Variants in TENM3 observed in about 807,000 individuals in gnomAD.
TENM3 encodes the protein teneurin-3.
A neutral mutation model predicts 255.1 loss-of-function variants in TENM3; 63 were observed. The ratio of observed to expected loss-of-function variants is 0.25; its 90% CI spans 0.20 to 0.30. TENM3 has a LOEUF of 0.30. Among genes scored for constraint, TENM3 ranks in the 10% least tolerant of loss-of-function variants. The pLI, the probability that TENM3 is intolerant of heterozygous loss-of-function variation, is 1.00. For missense variants in TENM3, 2,929 were observed against 3,461.1 expected (o/e 0.85, Z 3.86); for synonymous variants, 1,306 against 1,322.3 (o/e 0.99, Z 0.27).
chr4:181,471,693 G>A, the TENM3 span, among the ~76,000 whole-genome samples: 2 of 152,136 alleles, frequency 1.3e-5, no homozygotes, highest in Admixed American at 1.3e-4. Flanking sequence ...CGCTATATAA[G>A]GTTATAGGAG....
chr4:181,618,281 A>G, the TENM3 span, among the ~76,000 whole-genome samples: 1 of 152,154 alleles, frequency 6.6e-6, no homozygotes, highest in Non-Finnish European at 1.5e-5. Flanking sequence ...TGGCAGACTC[A>G]TCCAGCTAGC....
intron 1 of TENM3, among the ~76,000 whole-genome samples, chr4:182,259,759 G>A (rs944684063): frequency 9.6e-6 from 1 of 103,686 alleles, no homozygotes; most frequent in African/African-American, 3.9e-5. Context: ...TTTTCTTTAT[G>A]CTGGAAATAT....
At position 182,490,176 on chromosome 4, in the gene TENM3, G is replaced by A. The variant is rs534237484; in HGVS notation, c.512-110748G>A. Reference sequence around the variant, plus strand: ...TAGTATTATAAATTGTTAATAGCGAGGGCTGTATCTTTGTAATGATGATGT... The same window carrying A: ...TAGTATTATAAATTGTTAATAGCGAAGGCTGTATCTTTGTAATGATGATGT... On this transcript the variant is annotated intron_variant, in intron 3 of 27. Transcript: ENST00000511685. Among the ~76,000 whole-genome samples the A allele has an allele frequency of 1.5e-4, 23 of 152,304 alleles. No individual in the cohort carries two copies. In the South Asian group the frequency reaches 4.1e-3, roughly 27 times the overall value.
chr4:181,671,307 C>T, the TENM3 span, among the ~76,000 whole-genome samples: 2 of 152,062 alleles, frequency 1.3e-5, no homozygotes, highest in African/African-American at 4.8e-5. Flanking sequence ...AATATGAGAA[C>T]GCTGTTATAT....
At chr4:182,794,694 T>G (rs954815151) in intron 26 of TENM3, among the ~76,000 whole-genome samples, 2 of 152,262 alleles carry the variant, frequency 1.3e-5, no homozygotes, top group Non-Finnish European at 2.9e-5. Context: ...GTTTAGTGCA[T>G]GCTACCTTTT....
chr4:182,315,108 C>T (rs1762676761), intron 1 of TENM3, among the ~76,000 whole-genome samples: 1 of 152,172 alleles, frequency 6.6e-6, no homozygotes, highest in Non-Finnish European at 1.5e-5. Flanking sequence ...ATTTTACTTA[C>T]ACATGTTATA....
chr4:182,778,378 C>T (rs563951680), intron 24 of TENM3, among the ~76,000 whole-genome samples: 2 of 152,250 alleles, frequency 1.3e-5, no homozygotes, highest in African/African-American at 2.4e-5. Context: ...GTCACATTTG[C>T]GTAGTGGCCT....
intron 22 of TENM3, among the ~76,000 whole-genome samples, chr4:182,769,361 T>C (rs184177934): frequency 1.3e-5 from 2 of 151,988 alleles, no homozygotes; most frequent in East Asian, 3.9e-4. Context: ...CTTTCCTTCA[T>C]CTCGTTTTCA....
the TENM3 span, among the ~76,000 whole-genome samples, chr4:181,594,317 TAA>T: frequency 6.6e-6 from 1 of 152,240 alleles, no homozygotes; most frequent in Non-Finnish European, 1.5e-5. Flanking sequence ...AATTTTTATT[TAA>T]GAGTTAAATA....
chr4:181,878,086 G>T, the TENM3 span, among the ~76,000 whole-genome samples: 1 of 152,270 alleles, frequency 6.6e-6, no homozygotes, highest in Non-Finnish European at 1.5e-5. Context: ...CAGACATATT[G>T]TTCAGTCCTT....
the TENM3 span, among the ~76,000 whole-genome samples, chr4:181,903,746 A>G: frequency 3.3e-5 from 5 of 152,158 alleles, no homozygotes; most frequent in Non-Finnish European, 7.3e-5. Context: ...ATTTGAATGC[A>G]ACCTGGGGCC....
At chr4:182,772,858 A>G (rs543308515) in intron 22 of TENM3, among the ~76,000 whole-genome samples, 17 of 152,334 alleles carry the variant, frequency 1.1e-4, no homozygotes, top group African/African-American at 2.9e-4. Flanking sequence ...CATTCTTTCA[A>G]TATCACTGTA....
chr4:181,679,349 A>G, the TENM3 span, among the ~76,000 whole-genome samples: 1 of 150,960 alleles, frequency 6.6e-6, no homozygotes, highest in Non-Finnish European at 1.5e-5. Context: ...TCTTTCATTG[A>G]TCAATTAAAC....
rs556389595 is a variant in TENM3 at position 182,679,683 on chromosome 4, C to T, written c.1344C>T (p.Leu448=). ...CCCCCCAGTATGACTTCGTGGAGCT[C>T]CTGGATGGCAGCAGGCTGATTGCCA... ...PSHTQYDFVE[L]LDGSRLIARE... The change falls in exon 8 of 28, where the codon CTC becomes CTT. Residue 448 remains leucine, a synonymous_variant. Coordinates refer to ENST00000511685, the MANE Select transcript of TENM3 (RefSeq NM_001080477.4). 93 of 1,612,614 alleles carry T rather than the reference C, an allele frequency of 5.8e-5. 2 individuals are homozygous for T. In the South Asian group the frequency reaches 9.2e-4, roughly 16 times the overall value.
chr4:181,512,194 C>T, the TENM3 span, among the ~76,000 whole-genome samples: 4 of 152,136 alleles, frequency 2.6e-5, no homozygotes, highest in South Asian at 8.3e-4. Context: ...AGGCTGTGGT[C>T]CCCAGTCTAC....
chr4:182,739,881 C>T (rs1761469438), intron 18 of TENM3, among the ~76,000 whole-genome samples: 1 of 152,006 alleles, frequency 6.6e-6, no homozygotes, highest in African/African-American at 2.4e-5. Context: ...ACAAAATACA[C>T]AAAAATTAGC....
chr4:182,105,231 C>T, the TENM3 span, among the ~76,000 whole-genome samples: 1 of 152,128 alleles, frequency 6.6e-6, no homozygotes, highest in African/African-American at 2.4e-5. Flanking sequence ...ATAATAATGA[C>T]AATGCAGCTT....
intron 1 of TENM3, among the ~76,000 whole-genome samples, chr4:182,220,811 C>G (rs893763064): frequency 2.0e-5 from 3 of 152,094 alleles, no homozygotes; most frequent in African/African-American, 7.2e-5. Context: ...CCTTTAATAA[C>G]TGGTAATTAA....
chr4:182,306,124 A>G (rs1762116882), intron 1 of TENM3, among the ~76,000 whole-genome samples: 1 of 152,146 alleles, frequency 6.6e-6, no homozygotes. Context: ...GAGAAGAAAG[A>G]GGGCCCCCTC....
Sources: allele counts gnomAD v4.1 joint callset (sites outside exome capture counted in the v4.1 genomes callset), GRCh38; gene constraint gnomAD v4.1.1; transcripts MANE v1.5; gene names NCBI Gene and HGNC (gene_info 2026-07-23, HGNC 2026-07-21).